ELAC1: variants seen among roughly 807,000 people sequenced by gnomAD.
ELAC1 encodes the protein zinc phosphodiesterase ELAC protein 1.
A neutral mutation model predicts 25.8 loss-of-function variants in ELAC1; 19 were observed. The observed-to-expected ratio is 0.74, with a 90% CI of 0.51 to 1.08. ELAC1 has a LOEUF of 1.08. ELAC1 is among the 50% of genes least tolerant of loss of function. ELAC1 has a pLI of 0.00. For synonymous variants in ELAC1, 148 were observed against 160.9 expected (o/e 0.92, Z 0.61); for missense variants, 403 against 434.6 (o/e 0.93, Z 0.65).
chr18:50,974,530 G>A lies in ELAC1; in HGVS notation c.126G>A (p.Gln42=), dbSNP rs749117101. The A allele has an allele frequency of 9.3e-6, 15 of 1,613,822 alleles. No individual in the cohort carries two copies. The highest frequency in any genetic ancestry group is 1.3e-5 in the Non-Finnish European group (15 of 1,179,944). ...TCTTTGACTGTGGGGAGGGAACACA[G>A]ACACAGCTTATGAAAAGCCAACTTA... is the stretch of plus-strand genomic sequence containing the variant. The part of the protein sequence containing the change: ...CWLFDCGEGT[Q]TQLMKSQLKA... Residue 42 remains glutamine, a synonymous_variant, in exon 2 of 4, where the codon CAG becomes CAA. Transcript: ENST00000269466.
intron 1 of ELAC1, among the ~76,000 whole-genome samples, chr18:50,971,909 TG>T: frequency 1.5e-5 from 1 of 65,782 alleles, no homozygotes; most frequent in East Asian, 6.1e-4. Context: ...TGTGTGTGTG[TG>T]TGTATATATA....
chr18:50,968,800 G>C lies in ELAC1; in HGVS notation c.-9+686G>C, dbSNP rs551553696. 27 of 152,298 alleles carry C rather than the reference G, an allele frequency of 1.8e-4. No individual in the cohort carries two copies. In the East Asian group the frequency reaches 5.0e-3, roughly 28 times the overall value. The allele number at this position is 152,298 out of a possible 1,614,324, so 9.4% of individuals were successfully genotyped here. A position where few individuals can be genotyped will look rare whatever the true frequency, so the allele number is the denominator to read the frequency against. On this transcript the variant is annotated intron_variant, in intron 1 of 3. Transcript: ENST00000269466. Reference sequence around the variant, plus strand: ...ATTCCTAGTGCCTAGAATGGTGCATGTCCCAAAACATGCACCATTGATTAA... The same window carrying C: ...ATTCCTAGTGCCTAGAATGGTGCATCTCCCAAAACATGCACCATTGATTAA...
intron 3 of ELAC1, among the ~76,000 whole-genome samples, chr18:50,985,071 A>C (rs1399468651): frequency 6.6e-6 from 1 of 152,120 alleles, no homozygotes; most frequent in Non-Finnish European, 1.5e-5. Flanking sequence ...TTAGAGCAAA[A>C]CCCAAGTATA....
Position 50,982,357 on chromosome 18 carries a change from G to A in ELAC1, c.158-1739G>A, listed in dbSNP as rs72913220. On this transcript the variant is annotated intron_variant, in intron 2 of 3. Coordinates refer to ENST00000269466, the MANE Select transcript of ELAC1 (RefSeq NM_018696.3). Reference sequence around the variant, plus strand: ...TCTGTTGTTCTCTGTTGCTGGCTGGGCTTGGATGTAGTAATTCTGGAAAGA... The same window carrying A: ...TCTGTTGTTCTCTGTTGCTGGCTGGACTTGGATGTAGTAATTCTGGAAAGA... Among the ~76,000 whole-genome samples, 574 of 152,326 alleles carry A rather than the reference G, an allele frequency of 3.8e-3. 1 individual carries two copies. Among genetic ancestry groups the A allele is most frequent in the Non-Finnish European group, 6.5e-3 (440 of 68,036 alleles).
chr18:50,979,480 C>A (rs1157971989), intron 2 of ELAC1, among the ~76,000 whole-genome samples: 1 of 152,160 alleles, frequency 6.6e-6, no homozygotes, highest in Non-Finnish European at 1.5e-5. Context: ...TAGCTTGCTT[C>A]TTCATAGCCA....
At chr18:50,983,080 T>C (rs1284548764) in intron 2 of ELAC1, among the ~76,000 whole-genome samples, 4 of 151,876 alleles carry the variant, frequency 2.6e-5, no homozygotes, top group African/African-American at 9.7e-5. Context: ...AATTGCTAGA[T>C]GCTTTTAATA....
At chr18:50,969,956 T>C (rs1362503589) in intron 1 of ELAC1, 1 of 152,250 alleles carries the variant, frequency 6.6e-6, no homozygotes, top group Non-Finnish European at 1.5e-5. Context: ...CAAATCGGAC[T>C]CCATGTTAGG....
Position 50,987,112 on chromosome 18 carries a change from C to A in ELAC1, c.*27C>A. ...ACCAGTGTTCCTGAGTGCACACTGA[C>A]ATGTCTGTGAATATGTTACTGAACC... On this transcript the variant is annotated 3_prime_UTR_variant, in exon 4 of 4. Transcript: ENST00000269466. The A allele has an allele frequency of 7.0e-7, 1 of 1,433,552 alleles. No individual in the cohort carries two copies. The highest frequency in any genetic ancestry group is 9.4e-7 in the Non-Finnish European group (1 of 1,062,648). 88.8% of individuals were successfully genotyped at this position (1,433,552 alleles called of 1,614,324 possible).
intron 1 of ELAC1, 103 bp from the exon 2 acceptor site, chr18:50,974,294 A>C (rs1907736112): frequency 2.9e-6 from 3 of 1,042,976 alleles, no homozygotes; most frequent in Non-Finnish European, 3.9e-6. Flanking sequence ...AAGAATCCAG[A>C]CTGTTCTAAA....
intron 1 of ELAC1, among the ~76,000 whole-genome samples, chr18:50,973,558 T>C (rs1389856957): frequency 6.6e-6 from 1 of 152,220 alleles, no homozygotes. Context: ...TAGAGCATAA[T>C]AGAGCATTAC....
At chr18:50,983,972 A>C (rs1908029666) in intron 2 of ELAC1, 124 bp from the exon 3 acceptor site, 1 of 580,480 alleles carries the variant, frequency 1.7e-6, no homozygotes, top group Admixed American at 3.6e-5. Flanking sequence ...TATGATGATA[A>C]GTAGAACTTT....
At chr18:50,968,817 A>G (rs1300086373) in intron 1 of ELAC1, 1 of 152,210 alleles carries the variant, frequency 6.6e-6, no homozygotes, top group Non-Finnish European at 1.5e-5. Context: ...AACATGCACC[A>G]TTGATTAAAT....
chr18:50,971,872 GTATATATGTA>G (rs1358361202), intron 1 of ELAC1, among the ~76,000 whole-genome samples: 236 of 139,248 alleles, frequency 1.7e-3, no homozygotes, highest in African/African-American at 2.4e-3. Context: ...ATATATATGT[GTATATATGTA>G]TATATATGTA....
chr18:50,987,145 C>T lies in ELAC1; in HGVS notation c.*60C>T. The T allele has an allele frequency of 8.2e-7, 1 of 1,221,984 alleles. No homozygotes were observed. 75.7% of individuals were successfully genotyped at this position (1,221,984 alleles called of 1,614,324 possible). ...TGAATATGTTACTGAACCTATAGTC[C>T]AGTTTTTTTATTTCTTGTTTTAGTC... On this transcript the variant is annotated 3_prime_UTR_variant, in exon 4 of 4. Coordinates refer to ENST00000269466, the MANE Select transcript of ELAC1 (RefSeq NM_018696.3).
At chr18:50,981,693 T>C (rs1338813595) in intron 2 of ELAC1, among the ~76,000 whole-genome samples, 2 of 152,182 alleles carry the variant, frequency 1.3e-5, no homozygotes, top group Non-Finnish European at 2.9e-5. Flanking sequence ...GGAAGCAGTT[T>C]GTCACTTAAT....
chr18:50,975,122 G>C (rs964505009), intron 2 of ELAC1, among the ~76,000 whole-genome samples: 2 of 152,170 alleles, frequency 1.3e-5, no homozygotes, highest in Admixed American at 6.5e-5. Context: ...AAAAGCTTCA[G>C]CTCAGAGTCA....
chr18:50,974,697 G>T (rs973298156), intron 2 of ELAC1, 136 bp downstream of exon 2: 2 of 777,356 alleles, frequency 2.6e-6, no homozygotes, highest in Non-Finnish European at 4.1e-6. Context: ...GGTGAGACTT[G>T]GAAGGCCTGC....
In ELAC1 at chr18:50,984,326, T is replaced by A; in HGVS notation, c.388T>A (p.Cys130Ser). The A allele has an allele frequency of 6.2e-7, 1 of 1,614,178 alleles. No homozygotes were observed. The highest frequency in any genetic ancestry group is 8.5e-7 in the Non-Finnish European group (1 of 1,180,000). ...VHELVPTADQ[C>S]PAEELKEFAH... The stretch of plus-strand genomic sequence containing the variant: ...TGAACTGGTTCCTACAGCAGATCAA[T>A]GTCCTGCAGAAGAACTAAAAGAATT... Residue 130 changes from cysteine (C) to serine (S), a missense_variant, in exon 3 of 4, where the codon TGT becomes AGT. Transcript: ENST00000269466.
intron 2 of ELAC1, among the ~76,000 whole-genome samples, chr18:50,978,561 C>T (rs184488231): frequency 1.3e-5 from 2 of 152,310 alleles, no homozygotes; most frequent in East Asian, 1.9e-4. Flanking sequence ...TTACTTCCCA[C>T]CGGGTCCCTC....
Sources: allele counts gnomAD v4.1 joint callset (sites outside exome capture counted in the v4.1 genomes callset), GRCh38; gene constraint gnomAD v4.1.1; transcripts MANE v1.5; gene names NCBI Gene and HGNC (gene_info 2026-07-23, HGNC 2026-07-21).